Variants in MYO10 observed in about 807,000 individuals in gnomAD.
MYO10 encodes myosin X.
Under a neutral mutation model 257.3 loss-of-function variants are expected in MYO10, and 133 were observed. The observed-to-expected ratio is 0.52, with a 90% CI of 0.45 to 0.60. The LOEUF (loss-of-function observed/expected upper bound fraction) is 0.60, where lower values mean the gene tolerates loss of function less well. MYO10 is among the 20% of genes least tolerant of loss of function. The pLI, the probability that MYO10 is intolerant of heterozygous loss-of-function variation, is 0.00. For missense variants in MYO10, 2,399 were observed against 2,635.7 expected (o/e 0.91, Z 1.97); for synonymous variants, 1,104 against 1,028.6 (o/e 1.07, Z -1.40).
intron 8 of MYO10, 57 bp from the exon 9 acceptor site, chr5:16,779,705 G>T: frequency 1.0e-6 from 1 of 1,001,282 alleles, no homozygotes; most frequent in Non-Finnish European, 1.5e-6. Context: ...GAAATTCAGA[G>T]TTTTCACTCT....
At chr5:16,767,039 A>T (rs1284055706) in intron 10 of MYO10, among the ~76,000 whole-genome samples, 6 of 151,882 alleles carry the variant, frequency 4.0e-5, no homozygotes, top group Non-Finnish European at 8.8e-5. Flanking sequence ...ACTTTCATTA[A>T]TAACACTAAG....
chr5:16,685,623 C>A, intron 29 of MYO10, 115 bp downstream of exon 29: 3 of 768,506 alleles, frequency 3.9e-6, no homozygotes, highest in Non-Finnish European at 6.4e-6. Flanking sequence ...CTATATTTAC[C>A]TTTTAAAAAA....
At chr5:16,911,525 A>G (rs1000845718) in intron 1 of MYO10, among the ~76,000 whole-genome samples, 1 of 152,088 alleles carries the variant, frequency 6.6e-6, no homozygotes, top group Non-Finnish European at 1.5e-5. Flanking sequence ...TGAGCTCAGG[A>G]GTTCAAGACT....
chr5:16,757,313 C>CACAA lies in MYO10; in HGVS notation c.1848+804_1848+805insTTGT, dbSNP rs1367056781. On this transcript the variant is annotated intron_variant, in intron 18 of 40. Coordinates refer to ENST00000513610, the MANE Select transcript of MYO10 (RefSeq NM_012334.3). ...TCACACACACACAAACACACACACA[C>CACAA]ACGCACACACACACACACACACACA... Among the ~76,000 whole-genome samples the CACAA allele has an allele frequency of 9.9e-3, 473 of 47,598 alleles. 9 individuals are homozygous for CACAA. Among genetic ancestry groups the CACAA allele is most frequent in the African/African-American group, 0.023 (449 of 19,376 alleles). 31.2% of individuals were successfully genotyped at this position (47,598 alleles called of 152,430 possible). A position where few individuals can be genotyped will look rare whatever the true frequency, so the allele number is the denominator to read the frequency against.
rs529828891 is a variant in MYO10, at chr5:16,769,068, T to A, written c.1060+6A>T. Reference sequence around the variant, plus strand: ...GAGCGAGGAGGGCAGGCAGGCATAATCTTACCTGTTTTGAAGGAAACCTGT... The same window carrying A: ...GAGCGAGGAGGGCAGGCAGGCATAAACTTACCTGTTTTGAAGGAAACCTGT... On this transcript the variant is annotated splice_donor_region_variant and intron_variant, in intron 10 of 40. Coordinates refer to ENST00000513610, the MANE Select transcript of MYO10 (RefSeq NM_012334.3). 6.2e-7 allele frequency: 1 copy of A among 1,607,040 alleles called. No individual in the cohort carries two copies. Among genetic ancestry groups the A allele is most frequent in the African/African-American group, 1.3e-5 (1 of 74,554 alleles).
At chr5:16,877,749 A>G (rs1744647542) in intron 1 of MYO10, 42 bp from the exon 2 acceptor site, 2 of 1,517,458 alleles carry the variant, frequency 1.3e-6, no homozygotes, top group Admixed American at 1.7e-5. Context: ...TTTGGATTGC[A>G]TTTTGTGGCG....
rs540307656 is a variant in MYO10 at position 16,704,461 on chromosome 5, G to T, written c.2276+118C>A. 5.0e-6 allele frequency: 4 copies of T among 795,778 alleles called. No homozygotes were observed. In the South Asian group the frequency reaches 7.2e-5, roughly 14 times the overall value. The allele number at this position is 795,778 out of a possible 1,614,324, so 49.3% of individuals were successfully genotyped here. A position where few individuals can be genotyped will look rare whatever the true frequency, so the allele number is the denominator to read the frequency against. On this transcript the variant is annotated intron_variant, in intron 22 of 40. Coordinates refer to ENST00000513610, the MANE Select transcript of MYO10 (RefSeq NM_012334.3). ...GGTTTCGGGAGTGGCTGCTTAGGAGGCCTGACCTGAGGCTCCCCTCAATTC... is the reference window on the plus strand; with the variant it reads ...GGTTTCGGGAGTGGCTGCTTAGGAGTCCTGACCTGAGGCTCCCCTCAATTC...
chr5:16,931,097 C>T (rs868454433), intron 1 of MYO10, among the ~76,000 whole-genome samples: 16 of 152,202 alleles, frequency 1.1e-4, no homozygotes, highest in African/African-American at 3.9e-4. Context: ...CATGGAGAAA[C>T]CCCATCTCTC....
intron 2 of MYO10, among the ~76,000 whole-genome samples, chr5:16,834,896 T>A (rs2126721196): frequency 6.6e-6 from 1 of 152,198 alleles, no homozygotes; most frequent in Non-Finnish European, 1.5e-5. Flanking sequence ...GAGATAACAG[T>A]TGGGCGCAGT....
chr5:16,682,276 T>TGAAA (rs1348507908), intron 30 of MYO10, among the ~76,000 whole-genome samples: 1 of 152,244 alleles, frequency 6.6e-6, no homozygotes, highest in Non-Finnish European at 1.5e-5. Context: ...ACTTTCCAGA[T>TGAAA]GAAACTCAGT....
At chr5:16,734,181 T>C (rs1023633946) in intron 19 of MYO10, among the ~76,000 whole-genome samples, 3 of 152,070 alleles carry the variant, frequency 2.0e-5, no homozygotes, top group African/African-American at 7.2e-5. Context: ...CAGAAGGCTA[T>C]TCATGAGTGA....
Position 16,694,497 on chromosome 5 carries a change from C to T in MYO10, c.3674G>A (p.Gly1225Asp), listed in dbSNP as rs1004403966. The T allele has an allele frequency of 1.9e-6, 3 of 1,613,384 alleles. No homozygotes were observed. The highest frequency in any genetic ancestry group is 1.7e-6 in the Non-Finnish European group (2 of 1,179,754). ...ATTTCTCCTGGACAGCGTGGAGGAG[C>T]CCCCCCCTTTTTTGTGGAGCCAGCC... ...KQGWLHKKGG[G>D]SSTLSRRNWK... is the part of the protein sequence containing the mutation. The change falls in exon 27 of 41, where the codon GGC becomes GAC. Residue 1225 changes from glycine (G) to aspartate (D), a missense_variant. This residue lies in a region of MYO10 where 1,820 missense variants were observed against 1,939.4 expected (regional missense o/e 0.94). Transcript: ENST00000513610.
At position 16,677,433 on chromosome 5, in the gene MYO10, T is replaced by TTTTTTTTTTTTTTG. The variant is rs1363770924; in HGVS notation, c.4543-1280_4543-1279insCAAAAAAAAAAAAA. On this transcript the variant is annotated intron_variant, in intron 33 of 40. Coordinates refer to ENST00000513610, the MANE Select transcript of MYO10 (RefSeq NM_012334.3). ...AACTTGACCTTTTTTTTTTTTTTTT[T>TTTTTTTTTTTTTTG]GAGACGGAGTCTTGCTCTTTCGCCC... Among the ~76,000 whole-genome samples, 72 of 145,304 alleles carry TTTTTTTTTTTTTTG rather than the reference T, an allele frequency of 5.0e-4. 1 individual carries two copies. Among genetic ancestry groups the TTTTTTTTTTTTTTG allele is most frequent in the African/African-American group, 1.7e-3 (63 of 36,890 alleles).
intron 2 of MYO10, among the ~76,000 whole-genome samples, chr5:16,866,757 A>G (rs77569001): frequency 0.018 from 2,679 of 152,244 alleles, 60 homozygotes; most frequent in African/African-American, 0.054. Context: ...ATCTAACCCT[A>G]TCTGTCCCTG....
Position 16,920,407 on chromosome 5 carries a change from T to C in MYO10, c.21+15381A>G, listed in dbSNP as rs570018969. ...CGGCAAAGGCACTGAGTGAAGAAAG[T>C]CCGTCTCAAAAGAATATGTACTGAT... On this transcript the variant is annotated intron_variant, in intron 1 of 40. Transcript: ENST00000513610. 1.6e-4 allele frequency among the ~76,000 whole-genome samples: 25 copies of C among 152,296 alleles called. No homozygotes were observed. The East Asian group carries it at 3.5e-3, about 21-fold the overall frequency.
At position 16,885,683 on chromosome 5, in the gene MYO10, C is replaced by CA. The variant is rs200263020; in HGVS notation, c.22-7977dup. Among the ~76,000 whole-genome samples the CA allele has an allele frequency of 7.0e-3, 993 of 141,710 alleles. 16 individuals are homozygous for CA. Among genetic ancestry groups the CA allele is most frequent in the African/African-American group, 0.023 (914 of 39,380 alleles). The allele number at this position is 141,710 out of a possible 152,430, so 93.0% of individuals were successfully genotyped here. ...CAAGACTCTGTCTCAACAAAAACAA[C>CA]AAAAAAAAACGGCGGGGGTTGGGGG... On this transcript the variant is annotated intron_variant, in intron 1 of 40. Coordinates refer to ENST00000513610, the MANE Select transcript of MYO10 (RefSeq NM_012334.3).
In MYO10 at chr5:16,712,872, A is replaced by G. The variant is rs545147892; in HGVS notation, c.1930-1627T>C. Among the ~76,000 whole-genome samples, 7 of 152,330 alleles carry G rather than the reference A, an allele frequency of 4.6e-5. No homozygotes were observed. In the South Asian group the frequency reaches 1.5e-3, roughly 32 times the overall value. ...TTAGTCTTGATTAAATTATCCTCAG[A>G]AAAGTAAGAAAAGCATAAAAATATG... On this transcript the variant is annotated intron_variant, in intron 19 of 40. Transcript: ENST00000513610.
chr5:16,777,839 C>CTTTTTTTTTTTTTTTTTTTTTT (rs61326508), intron 9 of MYO10, among the ~76,000 whole-genome samples: 3 of 88,478 alleles, frequency 3.4e-5, no homozygotes, highest in African/African-American at 1.1e-4. Context: ...TTGCATCTAA[C>CTTTTTTTTTTTTTTTTTTTTTT]TTTTTTTTTT....
intron 28 of MYO10, among the ~76,000 whole-genome samples, chr5:16,688,482 T>A (rs1737347355): frequency 6.6e-6 from 1 of 152,208 alleles, no homozygotes; most frequent in African/African-American, 2.4e-5. Context: ...GGCTCACGCC[T>A]GTAATCCCAG....
Sources: allele counts gnomAD v4.1 joint callset (sites outside exome capture counted in the v4.1 genomes callset), GRCh38; gene constraint gnomAD v4.1.1; regional missense constraint gnomAD v4.1.1; transcripts MANE v1.5; gene names NCBI Gene and HGNC (gene_info 2026-07-23, HGNC 2026-07-21).